PRKCH: variants seen among roughly 807,000 people sequenced by gnomAD.
PRKCH encodes the protein protein kinase C eta, also known as protein kinase C eta type.
PRKCH carries 28 observed loss-of-function variants against 82.5 expected under a neutral mutation model. The ratio of observed to expected loss-of-function variants is 0.34; its 90% CI spans 0.25 to 0.47. The LOEUF (loss-of-function observed/expected upper bound fraction) is 0.47, where lower values mean the gene tolerates loss of function less well. PRKCH is among the 20% of genes least tolerant of loss of function. PRKCH has a pLI of 1.00. For synonymous variants in PRKCH, 322 were observed against 327.4 expected (o/e 0.98, Z 0.18); for missense variants, 705 against 881.8 (o/e 0.80, Z 2.54).
chr14:61,403,511 C>T (rs552479291), intron 2 of PRKCH, among the ~76,000 whole-genome samples: 5 of 152,172 alleles, frequency 3.3e-5, no homozygotes, highest in Non-Finnish European at 5.9e-5. Flanking sequence ...TGTTATAAGC[C>T]TGTTCTCATA....
intron 1 of PRKCH, among the ~76,000 whole-genome samples, chr14:61,285,583 A>G (rs1453256000): frequency 9.9e-5 from 15 of 152,218 alleles, no homozygotes; most frequent in Admixed American, 9.8e-4. Flanking sequence ...ACTTTTATTG[A>G]GTACCTTCTG....
intron 1 of PRKCH, among the ~76,000 whole-genome samples, chr14:61,273,250 T>C (rs1189073908): frequency 2.6e-5 from 4 of 152,194 alleles, no homozygotes. Flanking sequence ...TAAAATATTA[T>C]TTATGGCTTT....
intron 4 of PRKCH, 23 bp downstream of exon 4, chr14:61,445,749 A>G (rs370679259): frequency 1.0e-5 from 16 of 1,590,512 alleles, no homozygotes; most frequent in Admixed American, 1.0e-4. Flanking sequence ...TTTTAAAACC[A>G]TGTTTCATTT....
At chr14:61,420,604 TTTTG>T (rs1350769977) in intron 2 of PRKCH, among the ~76,000 whole-genome samples, 7 of 152,180 alleles carry the variant, frequency 4.6e-5, no homozygotes, top group East Asian at 1.9e-4. Context: ...TCTCTCTGTG[TTTTG>T]TTTGTTTGGT....
intron 2 of PRKCH, among the ~76,000 whole-genome samples, chr14:61,420,694 T>C (rs1179747807): frequency 6.6e-6 from 1 of 152,208 alleles, no homozygotes; most frequent in East Asian, 1.9e-4. Flanking sequence ...ACAGTTAGCC[T>C]TGGGAACAGA....
upstream of PRKCH, among the ~76,000 whole-genome samples, chr14:61,319,954 C>T (rs1423812851): frequency 5.3e-5 from 8 of 152,234 alleles, no homozygotes. Flanking sequence ...GTCAGGCCTC[C>T]TTGCACTCAT....
chr14:61,488,039 G>T (rs1886302485), intron 10 of PRKCH, among the ~76,000 whole-genome samples: 1 of 152,068 alleles, frequency 6.6e-6, no homozygotes, highest in African/African-American at 2.4e-5. Context: ...TGTAGTCCCA[G>T]CTACTCGGGA....
chr14:61,368,304 CTA>C (rs1490702389), intron 1 of PRKCH, among the ~76,000 whole-genome samples: 2 of 151,628 alleles, frequency 1.3e-5, no homozygotes, highest in Non-Finnish European at 2.9e-5. Flanking sequence ...TACTTCCTCA[CTA>C]TCCCTAGTCA....
intron 1 of PRKCH, among the ~76,000 whole-genome samples, chr14:61,386,963 G>C (rs1377976242): frequency 6.6e-6 from 1 of 152,176 alleles, no homozygotes; most frequent in Non-Finnish European, 1.5e-5. Flanking sequence ...AATCAAGCAA[G>C]GCTTGATCTA....
chr14:61,519,302 AATGAATGAATGAATG>A (rs2042871600), intron 10 of PRKCH, among the ~76,000 whole-genome samples: 1 of 151,812 alleles, frequency 6.6e-6, no homozygotes, highest in African/African-American at 2.4e-5. Flanking sequence ...TGAATGAATG[AATGAATGAATGAATG>A]AATAAATAAA....
chr14:61,402,291 A>G (rs1881668666), intron 2 of PRKCH, among the ~76,000 whole-genome samples: 2 of 152,360 alleles, frequency 1.3e-5, no homozygotes, highest in Admixed American at 6.5e-5. Flanking sequence ...TTAAAGTATG[A>G]AAAGTTCATT....
chr14:61,280,282 T>G lies in PRKCH; in HGVS notation c.-19+92614T>G. 1 of 1,614,036 alleles carries G rather than the reference T, an allele frequency of 6.2e-7. No homozygotes were observed. Among genetic ancestry groups the G allele is most frequent in the Non-Finnish European group, 8.5e-7 (1 of 1,180,006 alleles). On this transcript the variant is annotated intron_variant, in intron 1 of 3. Coordinates refer to the PRKCH transcript ENST00000555185. This position sits in a 1 kb window ranked among gnomAD's most constrained non-coding sequence, Gnocchi z 5.0. ...GCCGAACGCGCGCACCGGGTAGTTGTAGGTGATGTTGACGCGGTAGGCGCC... is the reference window on the plus strand; with the variant it reads ...GCCGAACGCGCGCACCGGGTAGTTGGAGGTGATGTTGACGCGGTAGGCGCC...
At chr14:61,271,896 G>A (rs1408797309) in intron 1 of PRKCH, among the ~76,000 whole-genome samples, 1 of 152,200 alleles carries the variant, frequency 6.6e-6, no homozygotes, top group Non-Finnish European at 1.5e-5. Context: ...CTCTGTTTCT[G>A]AATTTGCATA....
chr14:61,365,724 A>G (rs970067459), intron 1 of PRKCH, among the ~76,000 whole-genome samples: 23 of 152,048 alleles, frequency 1.5e-4, no homozygotes, highest in African/African-American at 5.1e-4. Flanking sequence ...ACCAGGTGGT[A>G]TGAGGACATA....
rs771502358 is a variant in PRKCH at position 61,210,782 on chromosome 14, CTCTCTCTCTGTG to C, written c.-19+23116_-19+23127del. Reference sequence around the variant, plus strand: ...TCTCTCTCTCTCTCTCTCTCTCTCTCTCTCTCTCTGTGTGTGTGTGTGTGTGTGTGTGCGTGC... The same window carrying C: ...TCTCTCTCTCTCTCTCTCTCTCTCTCTGTGTGTGTGTGTGTGTGTGCGTGC... On this transcript the variant is annotated intron_variant, in intron 1 of 3. Coordinates refer to the PRKCH transcript ENST00000555185. Among the ~76,000 whole-genome samples the C allele has an allele frequency of 1.1e-3, 94 of 87,318 alleles. 1 individual carries two copies. The highest frequency in any genetic ancestry group is 2.9e-3 in the African/African-American group (92 of 31,240). The allele number at this position is 87,318 out of a possible 152,430, so 57.3% of individuals were successfully genotyped here.
At chr14:61,422,183 A>G (rs531154515) in intron 2 of PRKCH, among the ~76,000 whole-genome samples, 59 of 152,294 alleles carry the variant, frequency 3.9e-4, no homozygotes, top group African/African-American at 1.4e-3. Flanking sequence ...TCCTGGGCTC[A>G]AGTGATCTTC....
chr14:61,211,213 C>T (rs555520126), intron 1 of PRKCH, among the ~76,000 whole-genome samples: 3 of 152,150 alleles, frequency 2.0e-5, no homozygotes, highest in Non-Finnish European at 2.9e-5. Context: ...AGGAAGAGCT[C>T]GAGGAACTGT....
intron 2 of PRKCH, among the ~76,000 whole-genome samples, chr14:61,411,718 C>T (rs1882279212): frequency 6.6e-6 from 1 of 152,136 alleles, no homozygotes; most frequent in African/African-American, 2.4e-5. Context: ...AGACTAAGGC[C>T]ACTAGAGATC....
chr14:61,514,164 C>G (rs934661036), intron 10 of PRKCH, among the ~76,000 whole-genome samples: 1 of 152,048 alleles, frequency 6.6e-6, no homozygotes, highest in Non-Finnish European at 1.5e-5. Context: ...GGACACCAGC[C>G]TGCTGCCCAA....
Sources: gnomAD v4.1 joint callset for allele counts (sites outside exome capture counted in the v4.1 genomes callset) on GRCh38, gnomAD v4.1.1 for gene constraint, Gnocchi (gnomAD v3.1) non-coding constraint, MANE v1.5 for transcripts, NCBI Gene and HGNC (gene_info 2026-07-23, HGNC 2026-07-21) for gene names.